Variants in MYH15 observed in about 807,000 individuals in gnomAD.
MYH15 encodes myosin heavy chain 15.
A neutral mutation model predicts 240.5 loss-of-function variants in MYH15; 227 were observed. The observed-to-expected ratio is 0.94, with a 90% confidence interval of 0.85 to 1.05. MYH15 has a LOEUF of 1.05. Among genes scored for constraint, MYH15 ranks in the 50% least tolerant of loss-of-function variants. The pLI, the probability that MYH15 is intolerant of heterozygous loss-of-function variation, is 0.00. For synonymous variants in MYH15, 785 were observed against 796.7 expected, an observed-to-expected ratio of 0.99 and a Z score of 0.25; for missense variants, 2,217 against 2,247.5, an observed-to-expected ratio of 0.99 and a Z score of 0.27.
chr3:108,410,693 G>C lies in MYH15; in HGVS notation c.4385C>G (p.Ser1462Cys), dbSNP rs770397276. The C allele has an allele frequency of 6.2e-7, 1 of 1,614,052 alleles. No homozygotes were observed. Among genetic ancestry groups the C allele is most frequent in the South Asian group, 1.1e-5 (1 of 91,086 alleles). Residue 1462 changes from serine to cysteine, a missense_variant, in exon 31 of 41, where the codon TCT (serine) becomes TGT (cysteine). Transcript: ENST00000693548. ...ACTGAGAGCCTGAACTTCCTTCTGA[G>C]AGGCATCCAGCAACGCCTGGGACTC... is the stretch of plus-strand genomic sequence containing the variant. ...HEESQALLDA[S>C]QKEVQALSTE...
At chr3:108,550,482 T>TA in the MYH15 span, 1 of 151,436 alleles carries the variant, frequency 6.6e-6, no homozygotes, top group Non-Finnish European at 1.5e-5. Context: ...TACAAGTTCT[T>TA]AGATTTTTTA....
chr3:108,543,786 T>A, the MYH15 span: 1 of 152,286 alleles, frequency 6.6e-6, no homozygotes, highest in East Asian at 1.9e-4. Flanking sequence ...CATCTGTGGA[T>A]CTTTTGGGTC....
intron 31 of MYH15, 100 bp from the exon 32 acceptor site, chr3:108,408,504 C>T (rs969583111): frequency 2.6e-6 from 3 of 1,174,848 alleles, no homozygotes; most frequent in African/African-American, 3.1e-5. Flanking sequence ...GGAACAGTGA[C>T]CTCATGCCAC....
chr3:108,453,301 T>C (rs1449305062), intron 21 of MYH15, among the ~76,000 whole-genome samples: 1 of 152,212 alleles, frequency 6.6e-6, no homozygotes, highest in Non-Finnish European at 1.5e-5. Context: ...TAATAATCTT[T>C]TTCTCTTGGG....
At chr3:108,445,418 C>T (rs576390216) in intron 21 of MYH15, among the ~76,000 whole-genome samples, 6 of 151,986 alleles carry the variant, frequency 3.9e-5, no homozygotes, top group African/African-American at 1.4e-4. Context: ...ACAAATCCTG[C>T]TTCAGATTTT....
the MYH15 span, among the ~76,000 whole-genome samples, chr3:108,534,484 CAACTT>C: frequency 6.6e-6 from 1 of 152,094 alleles, no homozygotes; most frequent in Non-Finnish European, 1.5e-5. Flanking sequence ...AATTTTGTCT[CAACTT>C]TTTATCATAA....
intron 2 of MYH15, among the ~76,000 whole-genome samples, chr3:108,502,840 T>G (rs1320082832): frequency 6.6e-6 from 1 of 152,160 alleles, no homozygotes; most frequent in Non-Finnish European, 1.5e-5. Context: ...TAATCCCTCT[T>G]CTTTTGAGTC....
intron 35 of MYH15, among the ~76,000 whole-genome samples, chr3:108,398,282 T>C (rs539930991): frequency 6.6e-6 from 1 of 152,126 alleles, no homozygotes; most frequent in Non-Finnish European, 1.5e-5. Flanking sequence ...AGCCAAGGAA[T>C]GGCAAAGATT....
upstream of MYH15, among the ~76,000 whole-genome samples, chr3:108,531,803 A>C (rs149112395): frequency 0.027 from 4,079 of 150,752 alleles, 176 homozygotes; most frequent in African/African-American, 0.09. Flanking sequence ...TAAATAAATA[A>C]ATACATAAAT....
rs1468288610 is a variant in MYH15 at position 108,388,091 on chromosome 3, G to C, written c.5535+879C>G. ...GTGCAATGTGAGAGGGCTGGGATAAGCTATCATGTGCAGTGTGAGATAGCT... is the reference window on the plus strand; with the variant it reads ...GTGCAATGTGAGAGGGCTGGGATAACCTATCATGTGCAGTGTGAGATAGCT... On this transcript the variant is annotated intron_variant, in intron 38 of 40. Coordinates refer to ENST00000693548, the MANE Select transcript of MYH15 (RefSeq NM_014981.3). 4.6e-5 allele frequency among the ~76,000 whole-genome samples: 7 copies of C among 152,318 alleles called. No individual in the cohort carries two copies. The South Asian group carries it at 8.3e-4, about 18-fold the overall frequency.
At chr3:108,420,251 T>G (rs2082671647) in intron 28 of MYH15, among the ~76,000 whole-genome samples, 1 of 152,244 alleles carries the variant, frequency 6.6e-6, no homozygotes, top group Non-Finnish European at 1.5e-5. Context: ...TCTAGATGAT[T>G]GACATACATC....
intron 9 of MYH15, among the ~76,000 whole-genome samples, chr3:108,489,263 G>C (rs1256846827): frequency 1.3e-5 from 2 of 152,128 alleles, no homozygotes; most frequent in Non-Finnish European, 2.9e-5. Flanking sequence ...GAATACACAG[G>C]GTTGAGGCCA....
intron 6 of MYH15, among the ~76,000 whole-genome samples, chr3:108,496,215 C>T (rs2083388130): frequency 6.6e-6 from 1 of 152,158 alleles, no homozygotes; most frequent in Non-Finnish European, 1.5e-5. Context: ...CATATATTTC[C>T]CCCATCATTA....
At chr3:108,450,746 TTTGA>T (rs1367627319) in intron 21 of MYH15, among the ~76,000 whole-genome samples, 1 of 152,114 alleles carries the variant, frequency 6.6e-6, no homozygotes, top group African/African-American at 2.4e-5. Context: ...GATTAATCAG[TTTGA>T]TTGTGGTAAT....
At chr3:108,536,922 ATC>A in the MYH15 span, among the ~76,000 whole-genome samples, 1 of 152,150 alleles carries the variant, frequency 6.6e-6, no homozygotes, top group Non-Finnish European at 1.5e-5. Flanking sequence ...GATAGTGCAG[ATC>A]TCTCTTTTGA....
chr3:108,418,490 C>A (rs1158787246), intron 28 of MYH15, among the ~76,000 whole-genome samples: 3 of 152,194 alleles, frequency 2.0e-5, no homozygotes, highest in Non-Finnish European at 4.4e-5. Context: ...ACCATCAATA[C>A]AAATGGCAAA....
chr3:108,455,753 G>T lies in MYH15; in HGVS notation c.2245C>A (p.Arg749=), dbSNP rs760717886. ...GSLEIDHTQY[R]FGITKVFFKA... ...CTGGTTACCTTAGTGATTCCAAATC[G>T]GTACTGGGTATGGTCTATCTCCAAG... Residue 749 remains arginine (R), a synonymous_variant, in exon 20 of 41, where the codon CGA becomes AGA. Coordinates refer to ENST00000693548, the MANE Select transcript of MYH15 (RefSeq NM_014981.3). 1.8e-5 allele frequency: 29 copies of T among 1,613,552 alleles called. No individual in the cohort carries two copies. The Admixed American group carries it at 1.8e-4, about 10-fold the overall frequency.
chr3:108,505,965 G>T, intron 1 of MYH15, 136 bp from the exon 2 acceptor site: 1 of 541,240 alleles, frequency 1.8e-6, no homozygotes, highest in Non-Finnish European at 3.2e-6. Context: ...TGCAAAGTCA[G>T]ATAAAATCAT....
chr3:108,458,108 T>G (rs1281267608), intron 18 of MYH15, among the ~76,000 whole-genome samples: 1 of 152,136 alleles, frequency 6.6e-6, no homozygotes, highest in Non-Finnish European at 1.5e-5. Flanking sequence ...CACCTTAACA[T>G]CAGACTCACT....
Sources: gnomAD v4.1 joint callset for allele counts (sites outside exome capture counted in the v4.1 genomes callset) on GRCh38, gnomAD v4.1.1 for gene constraint, MANE v1.5 for transcripts, NCBI Gene and HGNC (gene_info 2026-07-23, HGNC 2026-07-21) for gene names.